LILRB5: variants seen among roughly 807,000 people sequenced by gnomAD.
The protein encoded by LILRB5 is leukocyte immunoglobulin-like receptor subfamily B member 5.
LILRB5 carries 61 observed loss-of-function variants against 68.4 expected under a neutral mutation model. That is an observed-to-expected ratio of 0.89 (90% confidence interval 0.73 to 1.10). The LOEUF is 1.10. Among genes scored for constraint, LILRB5 ranks in the 50% least tolerant of loss-of-function variants. LILRB5 has a pLI of 0.00. For missense variants in LILRB5, 771 were observed against 751.6 expected, an observed-to-expected ratio of 1.03 and a Z score of -0.30; for synonymous variants, 356 against 315.8, an observed-to-expected ratio of 1.13 and a Z score of -1.35.
chr19:54,256,423 T>A, intron 3 of LILRB5, 66 bp downstream of exon 3: 1 of 1,596,236 alleles, frequency 6.3e-7, no homozygotes. Context: ...GAGGTAGACG[T>A]CCCTAAGAGC....
At position 54,254,376 on chromosome 19, in the gene LILRB5, G is replaced by T. The variant is rs945963048; in HGVS notation, c.1295C>A (p.Thr432Asn). ...CCTCAGTGACTCACCAGGTGTGGGG[G>T]TGGAGCCTGTAGGTGAGAGGCTGGG... Reference protein sequence around the residue: ...GDPSLSPTGSTPTPAGPEDQP... With the variant: ...GDPSLSPTGSNPTPAGPEDQP... The change falls in exon 7 of 13, where the codon ACC becomes AAC. Residue 432 changes from threonine to asparagine, a missense_variant. Transcript: ENST00000449561. The T allele has an allele frequency of 2.4e-5, 38 of 1,582,556 alleles. No homozygotes were observed. Among genetic ancestry groups the T allele is most frequent in the Non-Finnish European group, 3.0e-5 (35 of 1,164,410 alleles).
rs558957309 is a variant in LILRB5 at position 54,252,411 on chromosome 19, A to C, written c.1539-8T>G. On this transcript the variant is annotated splice_polypyrimidine_tract_variant and splice_region_variant and intron_variant, in intron 10 of 12. Transcript: ENST00000449561. The stretch of plus-strand genomic sequence containing the variant: ...TCAGCAACTGGGCTGGCCCTGGGGG[A>C]GGACACGGGAGTGTGAGGGGCAGTG... The C allele has an allele frequency of 4.3e-6, 7 of 1,613,966 alleles. No homozygotes were observed. Among genetic ancestry groups the C allele is most frequent in the Non-Finnish European group, 5.1e-6 (6 of 1,179,976 alleles).
intron 11 of LILRB5, 129 bp from the exon 12 acceptor site, chr19:54,252,235 C>T (rs1021909245): frequency 4.2e-5 from 60 of 1,439,254 alleles, no homozygotes; most frequent in East Asian, 3.6e-4. Flanking sequence ...CCCTGAGGTC[C>T]CACAGTGTGG....
intron 12 of LILRB5, 63 bp from the exon 13 acceptor site, chr19:54,250,995 G>A (rs1251862159): frequency 4.4e-6 from 7 of 1,595,334 alleles, no homozygotes; most frequent in East Asian, 2.2e-5. Context: ...TGGGGGCCTG[G>A]AGAGGAAAGG....
chr19:54,251,917 C>A (rs888896171), intron 12 of LILRB5, 137 bp downstream of exon 12: 10 of 949,786 alleles, frequency 1.1e-5, no homozygotes, highest in Non-Finnish European at 1.6e-5. Context: ...TCGCAGCAGG[C>A]GGGAGGCAGC....
chr19:54,254,750 C>G lies in LILRB5; in HGVS notation c.1240G>C (p.Glu414Gln), dbSNP rs749358361. 1 of 1,613,966 alleles carries G rather than the reference C, an allele frequency of 6.2e-7. No homozygotes were observed. Residue 414 changes from glutamate (E) to glutamine (Q), a missense_variant, in exon 6 of 13, where the codon GAG becomes CAG. Glu to Gln is a conservative substitution (Grantham distance 29, BLOSUM62 2). Coordinates refer to ENST00000449561, the MANE Select transcript of LILRB5 (RefSeq NM_001081442.3). ...YLLSSPSYPQ[E>Q]LVVSGPSGDP... is the part of the protein sequence containing the mutation. Reference sequence around the variant, plus strand: ...GGGCCCTCACCTGAGACCACGAGCTCCTGGGGGTAACTAGGGCTGGACAGC... The same window carrying G: ...GGGCCCTCACCTGAGACCACGAGCTGCTGGGGGTAACTAGGGCTGGACAGC...
intron 2 of LILRB5, 78 bp from the exon 3 acceptor site, chr19:54,256,851 A>G (rs774236890): frequency 6.2e-7 from 1 of 1,607,592 alleles, no homozygotes; most frequent in South Asian, 1.1e-5. Flanking sequence ...GACCCTCCAG[A>G]CGTCCCCATC....
At chr19:54,256,375 C>A (rs1440146205) in intron 3 of LILRB5, 33 bp from the exon 4 acceptor site, 4 of 1,587,626 alleles carry the variant, frequency 2.5e-6, no homozygotes, top group Non-Finnish European at 3.4e-6. Flanking sequence ...TTAAGTGGGG[C>A]TCCGACCTCC....
Position 54,254,898 on chromosome 19 carries a change from C to T in LILRB5, c.1092G>A (p.Pro364=), listed in dbSNP as rs774056299. ...FLTKEGAAHP[P]LCLKSKYQSY... is the part of the protein sequence containing the mutation. ...ACTGGTACTTTGACTTTAGACACAG[C>T]GGGGGATGGGCTGCCCCCTCCTTGG... Residue 364 remains proline (P), a synonymous_variant, in exon 6 of 13, where the codon CCG becomes CCA. Coordinates refer to ENST00000449561, the MANE Select transcript of LILRB5 (RefSeq NM_001081442.3). 2.5e-5 allele frequency: 40 copies of T among 1,613,904 alleles called. No individual in the cohort carries two copies. The highest frequency in any genetic ancestry group is 2.7e-5 in the African/African-American group (2 of 74,884).
chr19:54,256,779 A>C lies in LILRB5; in HGVS notation c.71-6T>G. 6.2e-7 allele frequency: 1 copy of C among 1,613,302 alleles called. No homozygotes were observed. Among genetic ancestry groups the C allele is most frequent in the Non-Finnish European group, 8.5e-7 (1 of 1,179,802 alleles). On this transcript the variant is annotated splice_polypyrimidine_tract_variant and splice_region_variant and intron_variant, in intron 2 of 12. Transcript: ENST00000449561. Reference sequence around the variant, plus strand: ...GGTGGGTTTGGGGAGGGTGCCTAGAATGGAATCAGAGGCTGGATCCCAAGA... The same window carrying C: ...GGTGGGTTTGGGGAGGGTGCCTAGACTGGAATCAGAGGCTGGATCCCAAGA...
chr19:54,250,781 G>A lies in LILRB5; in HGVS notation c.*5C>T, dbSNP rs370853091. The A allele has an allele frequency of 1.4e-4, 232 of 1,614,032 alleles. 1 individual carries two copies. The highest frequency in any genetic ancestry group is 1.9e-4 in the Non-Finnish European group (222 of 1,179,984). On this transcript the variant is annotated 3_prime_UTR_variant, in exon 13 of 13. Transcript: ENST00000449561. ...GTTGAGTATGAGATCTGGGTCCCCC[G>A]TGGGCTAGTGGATGGCCAGGGGGGC...
intron 3 of LILRB5, 58 bp downstream of exon 3, chr19:54,256,431 A>G: frequency 6.2e-7 from 1 of 1,601,020 alleles, no homozygotes; most frequent in South Asian, 1.1e-5. Context: ...CGTCCCTAAG[A>G]GCCGACCCTC....
rs776443730 is a variant in LILRB5 at position 54,255,449 on chromosome 19, G to A, written c.789C>T (p.Leu263=). ...GGGGCTGCTGGCCAGAGCCCTGGAC[G>A]AGGTCATGTTCCCCCTCCTTGTACA... ...FVLYKEGEHD[L]VQGSGQQPQA... Residue 263 remains leucine (L), a synonymous_variant, in exon 5 of 13, where the codon CTC becomes CTT. Coordinates refer to ENST00000449561, the MANE Select transcript of LILRB5 (RefSeq NM_001081442.3). 1.4e-5 allele frequency: 23 copies of A among 1,613,944 alleles called. No homozygotes were observed. The highest frequency in any genetic ancestry group is 8.0e-5 in the African/African-American group (6 of 74,902).
chr19:54,254,065 C>A lies in LILRB5; in HGVS notation c.1310G>T (p.Gly437Val). 1 of 1,598,190 alleles carries A rather than the reference C, an allele frequency of 6.3e-7. No individual in the cohort carries two copies. The highest frequency in any genetic ancestry group is 1.1e-5 in the South Asian group (1 of 88,300). The part of the protein sequence containing the change: ...SPTGSTPTPA[G>V]PEDQPLTPTG... ...GGGGGTGAGGGGCTGGTCCTCAGGG[C>A]CTGCTGGGTCAGGACGGGGAGGTGA... The change falls in exon 8 of 13, where the codon GGC becomes GTC. Residue 437 changes from glycine (G) to valine (V), a missense_variant. Transcript: ENST00000449561.
At position 54,254,639 on chromosome 19, in the gene LILRB5, CCCCGCACCGCGACTCCATCCCAG is replaced by C; in HGVS notation, c.1255+73_1255+95del. 5 of 1,492,240 alleles carry C rather than the reference CCCCGCACCGCGACTCCATCCCAG, an allele frequency of 3.4e-6. No homozygotes were observed. In the Middle Eastern group the frequency reaches 6.9e-4, roughly 205 times the overall value. 92.4% of individuals were successfully genotyped at this position (1,492,240 alleles called of 1,614,324 possible). On this transcript the variant is annotated intron_variant, in intron 6 of 12. Coordinates refer to ENST00000449561, the MANE Select transcript of LILRB5 (RefSeq NM_001081442.3). ...GGCTGAGCCCCCCTCAAACCCTCCCCCCCGCACCGCGACTCCATCCCAGCCCAGAGCTCTCCTGGGGGCAGGGC... is the reference window on the plus strand; with the variant it reads ...GGCTGAGCCCCCCTCAAACCCTCCCCCCCAGAGCTCTCCTGGGGGCAGGGC...
chr19:54,252,643 C>T, intron 9 of LILRB5, 94 bp from the exon 10 acceptor site: 1 of 1,409,924 alleles, frequency 7.1e-7, no homozygotes, highest in South Asian at 1.2e-5. Flanking sequence ...ACCTGGAGGC[C>T]CACTGGCACT....
intron 6 of LILRB5, 56 bp from the exon 7 acceptor site, chr19:54,254,471 G>C (rs181145948): frequency 6.6e-7 from 1 of 1,518,892 alleles, no homozygotes; most frequent in Non-Finnish European, 8.9e-7. Context: ...GAGGAAACCC[G>C]TCCCTCCACC....
intron 9 of LILRB5, 62 bp downstream of exon 9, chr19:54,252,809 C>T: frequency 2.7e-6 from 4 of 1,459,228 alleles, no homozygotes; most frequent in Admixed American, 2.1e-5. Flanking sequence ...TTTGGTTTCC[C>T]TCTGGCTGGT....
rs574327552 is a variant in LILRB5, at chr19:54,251,918, G to A, written c.1629+136C>T. ...AGAAGAGAGTGAGGTCGCAGCAGGCGGGAGGCAGCGTGCTGGACAAGGAGG... is the reference window on the plus strand; with the variant it reads ...AGAAGAGAGTGAGGTCGCAGCAGGCAGGAGGCAGCGTGCTGGACAAGGAGG... On this transcript the variant is annotated intron_variant, in intron 12 of 12. Transcript: ENST00000449561. 1,260 of 952,192 alleles carry A rather than the reference G, an allele frequency of 1.3e-3. 11 individuals carry two copies. In the African/African-American group the frequency reaches 0.017, roughly 13 times the overall value. The allele number at this position is 952,192 out of a possible 1,614,324, so 59.0% of individuals were successfully genotyped here.
Sources: gnomAD v4.1 joint callset for allele counts on GRCh38, gnomAD v4.1.1 for gene constraint, MANE v1.5 for transcripts, NCBI Gene and HGNC (gene_info 2026-07-23, HGNC 2026-07-21) for gene names.